LDB2: variants seen among roughly 807,000 people sequenced by gnomAD.
LDB2 encodes LIM domain binding 2, also known as LIM domain-binding protein 2.
In LDB2, 12 loss-of-function variants were observed where a neutral mutation model predicts 44.3. The observed-to-expected ratio is 0.27, with a 90% confidence interval of 0.17 to 0.44. The LOEUF is 0.44. LDB2 is among the 20% of genes least tolerant of loss of function. The pLI, the probability that LDB2 is intolerant of heterozygous loss-of-function variation, is 1.00. For missense variants in LDB2, 344 were observed against 473.5 expected (o/e 0.73, Z 2.54); for synonymous variants, 164 against 174.8 (o/e 0.94, Z 0.49).
At chr4:16,796,470 C>T (rs1161740996) in intron 1 of LDB2, among the ~76,000 whole-genome samples, 1 of 152,086 alleles carries the variant, frequency 6.6e-6, no homozygotes, top group Non-Finnish European at 1.5e-5. Context: ...ATACTGACAT[C>T]CATGAATCCA....
At chr4:16,524,827 T>C (rs1000623847) in intron 5 of LDB2, among the ~76,000 whole-genome samples, 3 of 152,178 alleles carry the variant, frequency 2.0e-5, no homozygotes, top group African/African-American at 7.2e-5. Flanking sequence ...CAATGGCTGC[T>C]TGGAGACTGA....
intron 1 of LDB2, among the ~76,000 whole-genome samples, chr4:16,868,528 C>A (rs868753360): frequency 1.3e-5 from 2 of 152,200 alleles, no homozygotes; most frequent in African/African-American, 2.4e-5. Context: ...GAATCAAAGT[C>A]TGGTGGCAGA....
intron 5 of LDB2, among the ~76,000 whole-genome samples, chr4:16,562,887 T>A (rs1434891214): frequency 1.3e-5 from 2 of 152,190 alleles, no homozygotes; most frequent in Non-Finnish European, 2.9e-5. Context: ...TATGCAGCCA[T>A]AAGAAATGAT....
intron 1 of LDB2, among the ~76,000 whole-genome samples, chr4:16,779,493 C>T (rs1772687159): frequency 1.3e-5 from 2 of 152,148 alleles, no homozygotes; most frequent in Admixed American, 6.5e-5. Flanking sequence ...CCACCTGCCA[C>T]CTTGGCCAAT....
chr4:16,765,893 T>C (rs1406625136), intron 1 of LDB2, among the ~76,000 whole-genome samples: 3 of 152,168 alleles, frequency 2.0e-5, no homozygotes, highest in Non-Finnish European at 2.9e-5. Context: ...TGAGCCACCT[T>C]TGGAGTATTA....
chr4:16,617,068 C>T (rs1458076171), intron 2 of LDB2, among the ~76,000 whole-genome samples: 1 of 152,070 alleles, frequency 6.6e-6, no homozygotes, highest in African/African-American at 2.4e-5. Flanking sequence ...AACATTTTAA[C>T]AGCATGGGTT....
intron 2 of LDB2, among the ~76,000 whole-genome samples, chr4:16,622,901 C>T (rs569145374): frequency 6.6e-6 from 1 of 152,316 alleles, no homozygotes; most frequent in African/African-American, 2.4e-5. Context: ...GTATAATGAT[C>T]TCAACTCTGA....
chr4:16,821,766 A>AAAAAAAAAAAAC (rs1782110613), intron 1 of LDB2, among the ~76,000 whole-genome samples: 1 of 150,398 alleles, frequency 6.6e-6, no homozygotes, highest in Non-Finnish European at 1.5e-5. Context: ...AAAAAAAAAA[A>AAAAAAAAAAAAC]AAAATCAGGA....
intron 2 of LDB2, among the ~76,000 whole-genome samples, chr4:16,616,172 T>C (rs1402002700): frequency 2.0e-5 from 3 of 152,218 alleles, no homozygotes; most frequent in Non-Finnish European, 2.9e-5. Flanking sequence ...GGAAGAACCA[T>C]GTCTTTTTGT....
intron 2 of LDB2, among the ~76,000 whole-genome samples, chr4:16,621,221 G>T (rs1439126300): frequency 2.0e-5 from 3 of 152,146 alleles, no homozygotes; most frequent in Non-Finnish European, 2.9e-5. Flanking sequence ...AAAGCCAACT[G>T]CCCAGTTTCA....
chr4:16,541,094 G>A (rs941349695), intron 5 of LDB2, among the ~76,000 whole-genome samples: 4 of 152,140 alleles, frequency 2.6e-5, no homozygotes, highest in Non-Finnish European at 5.9e-5. Flanking sequence ...GCATGGAGCA[G>A]GTGAAATCCA....
intron 2 of LDB2, among the ~76,000 whole-genome samples, chr4:16,625,199 C>T (rs1057172386): frequency 6.6e-6 from 1 of 152,212 alleles, no homozygotes; most frequent in Non-Finnish European, 1.5e-5. Flanking sequence ...ATCAGTCTTG[C>T]TCCAGCAGCA....
intron 1 of LDB2, among the ~76,000 whole-genome samples, chr4:16,768,698 G>T (rs557136826): frequency 3.3e-5 from 5 of 152,212 alleles, no homozygotes; most frequent in African/African-American, 7.2e-5. Context: ...AAAACCAAGG[G>T]TCTATCTCGA....
chr4:16,666,111 T>A (rs1293467906), intron 2 of LDB2, among the ~76,000 whole-genome samples: 1 of 152,184 alleles, frequency 6.6e-6, no homozygotes, highest in Non-Finnish European at 1.5e-5. Context: ...GCAGCCTGGA[T>A]TGTGGTACTT....
intron 5 of LDB2, among the ~76,000 whole-genome samples, chr4:16,579,051 G>A (rs953124163): frequency 2.0e-5 from 3 of 152,136 alleles, no homozygotes; most frequent in African/African-American, 7.2e-5. Flanking sequence ...GAAGGGTCAG[G>A]GTGGCGGAAA....
At chr4:16,587,413 A>G (rs1257459521) in intron 4 of LDB2, among the ~76,000 whole-genome samples, 4 of 152,150 alleles carry the variant, frequency 2.6e-5, no homozygotes, top group African/African-American at 7.2e-5. Context: ...CAAGGGTCCA[A>G]CCCTATGTGG....
At chr4:16,591,368 A>C (rs1246897114) in intron 3 of LDB2, among the ~76,000 whole-genome samples, 1 of 152,148 alleles carries the variant, frequency 6.6e-6, no homozygotes, top group Admixed American at 6.5e-5. Context: ...CCTTTCTTGC[A>C]GTCAAATTGT....
At chr4:16,784,094 AAAAGAATTTTT>A (rs1328545699) in intron 1 of LDB2, among the ~76,000 whole-genome samples, 5 of 152,308 alleles carry the variant, frequency 3.3e-5, no homozygotes, top group South Asian at 2.1e-4. Context: ...TGTGATTTTA[AAAAGAATTTTT>A]AAAGAATTTT....
chr4:16,568,744 G>A (rs954048185), intron 5 of LDB2, among the ~76,000 whole-genome samples: 39 of 152,306 alleles, frequency 2.6e-4, no homozygotes, highest in African/African-American at 9.1e-4. Flanking sequence ...TGTGATTACT[G>A]TATTTTTGAA....
Sources: gnomAD v4.1 joint callset for allele counts (sites outside exome capture counted in the v4.1 genomes callset) on GRCh38, gnomAD v4.1.1 for gene constraint, MANE v1.5 for transcripts, NCBI Gene and HGNC (gene_info 2026-07-23, HGNC 2026-07-21) for gene names.